ABCG4: variants seen among roughly 807,000 people sequenced by gnomAD.
The protein encoded by ABCG4 is ATP-binding cassette sub-family G member 4.
In ABCG4, 35 loss-of-function variants were observed where a neutral mutation model predicts 64.6. That is an observed-to-expected ratio of 0.54 (90% CI 0.41 to 0.72). ABCG4 has a LOEUF of 0.72. ABCG4 is among the 30% of genes least tolerant of loss of function. The pLI, the probability that ABCG4 is intolerant of heterozygous loss-of-function variation, is 0.00. For synonymous variants in ABCG4, 326 were observed against 348.2 expected (o/e 0.94, Z 0.71); for missense variants, 610 against 846.3 (o/e 0.72, Z 3.46).
At chr11:119,151,857 C>G (rs1948196732) in intron 2 of ABCG4, among the ~76,000 whole-genome samples, 1 of 152,226 alleles carries the variant, frequency 6.6e-6, no homozygotes, top group African/African-American at 2.4e-5. Flanking sequence ...ACATGGGTTC[C>G]TAGTCACTTA....
intron 2 of ABCG4, among the ~76,000 whole-genome samples, chr11:119,152,606 G>T (rs1473445278): frequency 6.6e-6 from 1 of 152,156 alleles, no homozygotes; most frequent in Non-Finnish European, 1.5e-5. Flanking sequence ...CGCAGGCAGG[G>T]CCCTCCTTGG....
rs199518763 is a variant in ABCG4 at position 119,158,190 on chromosome 11, A to G, written c.1069-44A>G. On this transcript the variant is annotated intron_variant, in intron 9 of 14. Transcript: ENST00000619701. The surrounding 1 kb of genome is among the most constrained non-coding windows in gnomAD (Gnocchi z 4.5). The stretch of plus-strand genomic sequence containing the variant: ...ACTGAGCTGGGTGTTCTGTGGGTGA[A>G]TGGGGTAGGCTCACCTGATCCCGAT... The G allele has an allele frequency of 5.9e-5, 88 of 1,485,150 alleles. No individual in the cohort carries two copies. In the East Asian group the frequency reaches 1.9e-3, roughly 33 times the overall value. 92.0% of individuals were successfully genotyped at this position (1,485,150 alleles called of 1,614,324 possible). A position where few individuals can be genotyped will look rare whatever the true frequency, so the allele number is the denominator to read the frequency against.
At position 119,160,652 on chromosome 11, in the gene ABCG4, G is replaced by A. The variant is rs1948337110; in HGVS notation, c.1711G>A (p.Val571Ile). The change falls in exon 14 of 15, where the codon GTC becomes ATC. Residue 571 changes from valine (V) to isoleucine (I), a missense_variant. By Grantham distance (29) the Val-to-Ile change is conservative. Coordinates refer to ENST00000619701, the MANE Select transcript of ABCG4 (RefSeq NM_022169.5). This position sits in a 1 kb window ranked among gnomAD's most constrained non-coding sequence, Gnocchi z 4.6. ...YLQWSSYLSYVRYGFEGVILT... is the reference protein window; with the variant it reads ...YLQWSSYLSYIRYGFEGVILT... ...GCAATGGAGCTCCTATCTCTCCTAT[G>A]TCAGGTCAGTACCCCTGCCCTCCTC... 5.6e-6 allele frequency: 9 copies of A among 1,612,714 alleles called. No individual in the cohort carries two copies. Among genetic ancestry groups the A allele is most frequent in the Admixed American group, 1.7e-5 (1 of 59,970 alleles).
At position 119,160,185 on chromosome 11, in the gene ABCG4, C is replaced by T. The variant is rs756036856; in HGVS notation, c.1438-42C>T. ...GAGTGGAGGTCTTGGCTGCTGTGCC[C>T]CTGGCTTGAAGTCCACTGTCCAGCC... On this transcript the variant is annotated intron_variant, in intron 12 of 14. Transcript: ENST00000619701. The surrounding 1 kb of genome is among the most constrained non-coding windows in gnomAD (Gnocchi z 4.6). 2.5e-6 allele frequency: 4 copies of T among 1,577,972 alleles called. No homozygotes were observed. In the East Asian group the frequency reaches 6.8e-5, roughly 27 times the overall value.
rs1314927540 is a variant in ABCG4 at position 119,158,538 on chromosome 11, G to C, written c.1168-19G>C. 1 of 1,613,994 alleles carries C rather than the reference G, an allele frequency of 6.2e-7. No homozygotes were observed. Among genetic ancestry groups the C allele is most frequent in the South Asian group, 1.1e-5 (1 of 91,068 alleles). ...CTGGCCTGTAACACATCCCTCTCCTGGTGATGACCCCTCCCAAGGTCCTGA... is the reference window on the plus strand; with the variant it reads ...CTGGCCTGTAACACATCCCTCTCCTCGTGATGACCCCTCCCAAGGTCCTGA... On this transcript the variant is annotated intron_variant, in intron 10 of 14. Coordinates refer to ENST00000619701, the MANE Select transcript of ABCG4 (RefSeq NM_022169.5). This position sits in a 1 kb window ranked among gnomAD's most constrained non-coding sequence, Gnocchi z 4.5.
At chr11:119,151,456 G>T (rs1948192687) in intron 2 of ABCG4, among the ~76,000 whole-genome samples, 2 of 151,898 alleles carry the variant, frequency 1.3e-5, no homozygotes, top group African/African-American at 4.8e-5. Flanking sequence ...GTTTTCCATT[G>T]AATCCCTCTC....
rs571888477 is a variant in ABCG4, at chr11:119,150,380, G to A, written c.238+177G>A. ...GCACTCTTGGGGTGTCAGGATCTAC[G>A]CTCCCCCACACCTGTGAGCACCATG... On this transcript the variant is annotated intron_variant, in intron 2 of 14. Coordinates refer to ENST00000619701, the MANE Select transcript of ABCG4 (RefSeq NM_022169.5). This position sits in a 1 kb window ranked among gnomAD's most constrained non-coding sequence, Gnocchi z 4.3. Among the ~76,000 whole-genome samples the A allele has an allele frequency of 6.6e-6, 1 of 152,164 alleles. No individual in the cohort carries two copies. Among genetic ancestry groups the A allele is most frequent in the Admixed American group, 6.5e-5 (1 of 15,282 alleles).
In ABCG4 at chr11:119,162,127, G is replaced by C. The variant is rs573894476; in HGVS notation, c.*1021G>C. 1 of 152,822 alleles carries C rather than the reference G, an allele frequency of 6.5e-6. No homozygotes were observed. Among genetic ancestry groups the C allele is most frequent in the Non-Finnish European group, 1.5e-5 (1 of 68,186 alleles). The allele number at this position is 152,822 out of a possible 1,614,324, so 9.5% of individuals were successfully genotyped here. ...CCATGTTGGAGACTCTAAGGATAAG[G>C]CTGGTGCTGCCCAGGGTGTCTACAG... is the stretch of plus-strand genomic sequence containing the variant. On this transcript the variant is annotated 3_prime_UTR_variant, in exon 15 of 15. Transcript: ENST00000619701.
rs1363059299 is a variant in ABCG4 at position 119,149,903 on chromosome 11, T to G, written c.-12-51T>G. On this transcript the variant is annotated intron_variant, in intron 1 of 14. Transcript: ENST00000619701. This position sits in a 1 kb window ranked among gnomAD's most constrained non-coding sequence, Gnocchi z 8.3. The stretch of plus-strand genomic sequence containing the variant: ...GAAGCATTAGAACGCCAGGGAGCTT[T>G]GAGCCGGGCTCGGTGGTCTGCCCCA... 1.9e-6 allele frequency: 3 copies of G among 1,553,748 alleles called. No homozygotes were observed. Among genetic ancestry groups the G allele is most frequent in the Non-Finnish European group, 2.6e-6 (3 of 1,156,156 alleles).
At chr11:119,157,886 C>CA (rs906927020) in intron 9 of ABCG4, among the ~76,000 whole-genome samples, 38 of 151,760 alleles carry the variant, frequency 2.5e-4, no homozygotes, top group Non-Finnish European at 4.4e-4. Context: ...CAAAACAAAA[C>CA]AAAAAAAACC....
Position 119,149,776 on chromosome 11 carries a change from C to T in ABCG4, c.-12-178C>T. The T allele has an allele frequency of 2.9e-6, 3 of 1,039,754 alleles. No homozygotes were observed. The African/African-American group carries it at 4.8e-5, about 17-fold the overall frequency. The allele number at this position is 1,039,754 out of a possible 1,614,324, so 64.4% of individuals were successfully genotyped here. A position where few individuals can be genotyped will look rare whatever the true frequency, so the allele number is the denominator to read the frequency against. On this transcript the variant is annotated intron_variant, in intron 1 of 14. Coordinates refer to ENST00000619701, the MANE Select transcript of ABCG4 (RefSeq NM_022169.5). The surrounding 1 kb of genome is among the most constrained non-coding windows in gnomAD (Gnocchi z 8.3). ...GGGGTCAGGCTGGAGCTGGGCTGCC[C>T]GGGACTGAGCGTCTCCGTGCGGAGA...
At position 119,158,186 on chromosome 11, in the gene ABCG4, G is replaced by C; in HGVS notation, c.1069-48G>C. 1 of 1,469,530 alleles carries C rather than the reference G, an allele frequency of 6.8e-7. No individual in the cohort carries two copies. The highest frequency in any genetic ancestry group is 1.3e-5 in the South Asian group (1 of 76,886). 91.0% of individuals were successfully genotyped at this position (1,469,530 alleles called of 1,614,324 possible). ...ATTCACTGAGCTGGGTGTTCTGTGG[G>C]TGAATGGGGTAGGCTCACCTGATCC... On this transcript the variant is annotated intron_variant, in intron 9 of 14. Coordinates refer to ENST00000619701, the MANE Select transcript of ABCG4 (RefSeq NM_022169.5). The surrounding 1 kb of genome is among the most constrained non-coding windows in gnomAD (Gnocchi z 4.5).
chr11:119,153,925 G>T (rs1021887654), intron 2 of ABCG4, 101 bp from the exon 3 acceptor site: 3 of 971,320 alleles, frequency 3.1e-6, no homozygotes, highest in Non-Finnish European at 5.0e-6. Context: ...CACTGAGTAG[G>T]GGCTACCTAT....
At chr11:119,153,283 C>T (rs1266947138) in intron 2 of ABCG4, 1 of 153,412 alleles carries the variant, frequency 6.5e-6, no homozygotes, top group Non-Finnish European at 1.5e-5. Context: ...GAATTTGAAC[C>T]CAGATCCACC....
In ABCG4 at chr11:119,158,533, C is replaced by T. The variant is rs763676136; in HGVS notation, c.1168-24C>T. 5.0e-5 allele frequency: 81 copies of T among 1,613,952 alleles called. No homozygotes were observed. The highest frequency in any genetic ancestry group is 1.6e-4 in the Middle Eastern group (1 of 6,062). The stretch of plus-strand genomic sequence containing the variant: ...TTGCCCTGGCCTGTAACACATCCCT[C>T]TCCTGGTGATGACCCCTCCCAAGGT... On this transcript the variant is annotated intron_variant, in intron 10 of 14. Transcript: ENST00000619701. This position sits in a 1 kb window ranked among gnomAD's most constrained non-coding sequence, Gnocchi z 4.5.
At chr11:119,159,213 G>A (rs1416547460) in intron 12 of ABCG4, among the ~76,000 whole-genome samples, 4 of 152,210 alleles carry the variant, frequency 2.6e-5, no homozygotes, top group African/African-American at 7.2e-5. Context: ...AGGGCCAGGC[G>A]CAGTGGCTTG....
chr11:119,154,226 C>A lies in ABCG4; in HGVS notation c.357-34C>A, dbSNP rs758673850. 6.2e-7 allele frequency: 1 copy of A among 1,613,326 alleles called. No individual in the cohort carries two copies. The highest frequency in any genetic ancestry group is 8.5e-7 in the Non-Finnish European group (1 of 1,179,432). Reference sequence around the variant, plus strand: ...GAACACAGAAGGTATTCTGAAAGGGCATTGACCCCCATCCTCAACCCACAT... The same window carrying A: ...GAACACAGAAGGTATTCTGAAAGGGAATTGACCCCCATCCTCAACCCACAT... On this transcript the variant is annotated intron_variant, in intron 3 of 14. Coordinates refer to ENST00000619701, the MANE Select transcript of ABCG4 (RefSeq NM_022169.5). The surrounding 1 kb of genome is among the most constrained non-coding windows in gnomAD (Gnocchi z 7.0).
chr11:119,157,479 TG>T (rs1948280954), intron 9 of ABCG4, among the ~76,000 whole-genome samples: 1 of 152,244 alleles, frequency 6.6e-6, no homozygotes, highest in East Asian at 1.9e-4. Context: ...CTTCCTTAAA[TG>T]AGACACTGTA....
rs1204920233 is a variant in ABCG4, at chr11:119,154,739, A to T, written c.541-31A>T. The T allele has an allele frequency of 6.3e-7, 1 of 1,599,606 alleles. No individual in the cohort carries two copies. Among genetic ancestry groups the T allele is most frequent in the South Asian group, 1.1e-5 (1 of 90,072 alleles). On this transcript the variant is annotated intron_variant, in intron 5 of 14. Transcript: ENST00000619701. This position sits in a 1 kb window ranked among gnomAD's most constrained non-coding sequence, Gnocchi z 7.0. ...TGCCTGGGGGAAGCAGAGACTCCGA[A>T]GCTGACCTGGCATGGGTGGGGTGGG...
Sources: gnomAD v4.1 joint callset for allele counts (sites outside exome capture counted in the v4.1 genomes callset) on GRCh38, gnomAD v4.1.1 for gene constraint, Gnocchi (gnomAD v3.1) non-coding constraint, MANE v1.5 for transcripts, NCBI Gene and HGNC (gene_info 2026-07-23, HGNC 2026-07-21) for gene names.